FNDC3B: variants seen among roughly 807,000 people sequenced by gnomAD.
FNDC3B encodes fibronectin type III domain containing 3B.
Under a neutral mutation model 151.5 loss-of-function variants are expected in FNDC3B, and 12 were observed. The observed-to-expected ratio is 0.08, with a 90% CI of 0.05 to 0.13. FNDC3B has a LOEUF of 0.13. FNDC3B is among the 10% of genes least tolerant of loss of function. The pLI, the probability that FNDC3B is intolerant of heterozygous loss-of-function variation, is 1.00. For synonymous variants in FNDC3B, 528 were observed against 549.0 expected, an observed-to-expected ratio of 0.96 and a Z score of 0.54; for missense variants, 1,214 against 1,505.3, an observed-to-expected ratio of 0.81 and a Z score of 3.20.
chr3:172,276,418 A>G (rs1282302211), intron 6 of FNDC3B, among the ~76,000 whole-genome samples: 1 of 152,200 alleles, frequency 6.6e-6, no homozygotes. Context: ...AATTAAAATA[A>G]AAAGAATCTG....
At chr3:172,349,735 A>T (rs1283701391) in intron 21 of FNDC3B, among the ~76,000 whole-genome samples, 1 of 152,012 alleles carries the variant, frequency 6.6e-6, no homozygotes, top group Non-Finnish European at 1.5e-5. Flanking sequence ...GGCTCACTGC[A>T]ACCTCCGCTT....
At chr3:172,320,362 A>G (rs981625917) in intron 11 of FNDC3B, among the ~76,000 whole-genome samples, 2 of 152,146 alleles carry the variant, frequency 1.3e-5, no homozygotes, top group African/African-American at 4.8e-5. Context: ...CCTGGGTGAC[A>G]GGGTGAGACT....
intron 6 of FNDC3B, among the ~76,000 whole-genome samples, chr3:172,284,935 A>G (rs1334008353): frequency 1.3e-5 from 2 of 151,802 alleles, no homozygotes; most frequent in Non-Finnish European, 2.9e-5. Context: ...AGATTCCATC[A>G]AGCCCACTGT....
chr3:172,067,616 C>G (rs745580473), intron 1 of FNDC3B, among the ~76,000 whole-genome samples: 1 of 152,146 alleles, frequency 6.6e-6, no homozygotes, highest in East Asian at 1.9e-4. Flanking sequence ...GTTTCCTATA[C>G]GAAGCAAAGT....
At chr3:172,334,223 T>A (rs1331586763) in intron 14 of FNDC3B, among the ~76,000 whole-genome samples, 1 of 152,166 alleles carries the variant, frequency 6.6e-6, no homozygotes, top group East Asian at 1.9e-4. Flanking sequence ...AAAACCCTTA[T>A]TATCGATGCT....
At chr3:172,332,928 A>G (rs890667106) in intron 13 of FNDC3B, among the ~76,000 whole-genome samples, 161 bp from the exon 14 acceptor site, 1 of 152,248 alleles carries the variant, frequency 6.6e-6, no homozygotes, top group Non-Finnish European at 1.5e-5. Context: ...TGCTATCCAC[A>G]ATACTCTGGG....
chr3:172,289,575 C>G (rs534595217), intron 7 of FNDC3B, among the ~76,000 whole-genome samples: 1 of 152,290 alleles, frequency 6.6e-6, no homozygotes, highest in South Asian at 2.1e-4. Flanking sequence ...CTCTTCGTAC[C>G]ACTTTTCTCT....
intron 23 of FNDC3B, among the ~76,000 whole-genome samples, chr3:172,365,320 G>A (rs374749631): frequency 5.6e-4 from 85 of 152,180 alleles, no homozygotes; most frequent in African/African-American, 2.0e-3. Context: ...ACTCTTTAGC[G>A]TATGTGTTAA....
At chr3:172,092,591 A>G (rs1718894057) in intron 1 of FNDC3B, among the ~76,000 whole-genome samples, 1 of 152,180 alleles carries the variant, frequency 6.6e-6, no homozygotes, top group Non-Finnish European at 1.5e-5. Flanking sequence ...ATGCATGAGG[A>G]TAGGAAGACC....
intron 25 of FNDC3B, among the ~76,000 whole-genome samples, chr3:172,396,671 A>G (rs1736297639): frequency 6.6e-6 from 1 of 152,178 alleles, no homozygotes; most frequent in South Asian, 2.1e-4. Flanking sequence ...TTAGATTCCC[A>G]CAGAAGCATG....
chr3:172,086,427 T>C (rs1718550801), intron 1 of FNDC3B, among the ~76,000 whole-genome samples: 1 of 152,082 alleles, frequency 6.6e-6, no homozygotes, highest in Non-Finnish European at 1.5e-5. Flanking sequence ...CAAGGGTACA[T>C]TGGAAAATTG....
intron 20 of FNDC3B, 84 bp downstream of exon 20, chr3:172,346,524 T>A: frequency 1.4e-6 from 1 of 727,912 alleles, no homozygotes; most frequent in Non-Finnish European, 2.3e-6. Context: ...AAGCTGCAAA[T>A]CCAAAATGCA....
Position 172,295,587 on chromosome 3 carries a change from A to T in FNDC3B, c.1001+73A>T, listed in dbSNP as rs73031398. On this transcript the variant is annotated intron_variant, in intron 8 of 25. Coordinates refer to ENST00000415807, the MANE Select transcript of FNDC3B (RefSeq NM_022763.4). ...GGAGTTGTGAAGGAAAATGGAAAAC[A>T]AAGGAAAACCTTATAGGCTTGGCAA... The T allele has an allele frequency of 1.6e-3, 2,327 of 1,483,532 alleles. 39 individuals carry two copies. In the African/African-American group the frequency reaches 0.029, roughly 19 times the overall value. 91.9% of individuals were successfully genotyped at this position (1,483,532 alleles called of 1,614,324 possible). A position where few individuals can be genotyped will look rare whatever the true frequency, so the allele number is the denominator to read the frequency against.
At chr3:172,208,029 C>A (rs1370864240) in intron 3 of FNDC3B, among the ~76,000 whole-genome samples, 1 of 148,578 alleles carries the variant, frequency 6.7e-6, no homozygotes, top group Admixed American at 6.7e-5. Flanking sequence ...CAATGCTTTC[C>A]CCAGTCTTTA....
intron 3 of FNDC3B, among the ~76,000 whole-genome samples, chr3:172,145,370 T>C (rs888145879): frequency 6.6e-6 from 1 of 152,204 alleles, no homozygotes; most frequent in Non-Finnish European, 1.5e-5. Context: ...CTAGTGAAAA[T>C]GTTATTCTGT....
chr3:172,330,281 A>G, intron 12 of FNDC3B: 1 of 350,978 alleles, frequency 2.8e-6, no homozygotes, highest in South Asian at 6.9e-5. Context: ...TGGACTCAAG[A>G]TGCAGAACCC....
intron 1 of FNDC3B, among the ~76,000 whole-genome samples, chr3:172,105,569 C>T (rs1251693546): frequency 2.0e-5 from 3 of 150,502 alleles, no homozygotes; most frequent in East Asian, 3.9e-4. Flanking sequence ...ATGTAGTTTT[C>T]CCCACCCCCC....
At chr3:172,076,262 A>G (rs569567178) in intron 1 of FNDC3B, among the ~76,000 whole-genome samples, 3 of 152,312 alleles carry the variant, frequency 2.0e-5, no homozygotes, top group Admixed American at 1.3e-4. Flanking sequence ...TGTTCTATAC[A>G]TGTGTACTGA....
At chr3:172,313,222 G>A (rs1393650964) in intron 11 of FNDC3B, among the ~76,000 whole-genome samples, 1 of 152,112 alleles carries the variant, frequency 6.6e-6, no homozygotes, top group Non-Finnish European at 1.5e-5. Flanking sequence ...CCACTTTCTA[G>A]ACATCTCCTG....
Sources: allele counts gnomAD v4.1 joint callset (sites outside exome capture counted in the v4.1 genomes callset), GRCh38; gene constraint gnomAD v4.1.1; transcripts MANE v1.5; gene names NCBI Gene and HGNC (gene_info 2026-07-23, HGNC 2026-07-21).